ITGAM: variants seen among roughly 807,000 people sequenced by gnomAD.
ITGAM encodes integrin subunit alpha M.
A neutral mutation model predicts 137.5 loss-of-function variants in ITGAM; 79 were observed. That is an observed-to-expected ratio of 0.57 (90% CI 0.48 to 0.69). The LOEUF is 0.69. Ranked by LOEUF, ITGAM falls within the 30% of genes least tolerant of loss-of-function variation. The pLI, the probability that ITGAM is intolerant of heterozygous loss-of-function variation, is 0.00. For synonymous variants in ITGAM, 583 were observed against 592.3 expected, an observed-to-expected ratio of 0.98 and a Z score of 0.23; for missense variants, 1,343 against 1,483.5, an observed-to-expected ratio of 0.91 and a Z score of 1.56.
intron 5 of ITGAM, 123 bp from the exon 6 acceptor site, chr16:31,270,831 A>T (rs2079831466): frequency 3.2e-6 from 1 of 316,406 alleles, no homozygotes; most frequent in African/African-American, 2.2e-5. Flanking sequence ...TATATTTAAC[A>T]TCTATATTTT....
At chr16:31,272,467 T>A (rs868096732) in intron 7 of ITGAM, among the ~76,000 whole-genome samples, 251 of 12,158 alleles carry the variant, frequency 0.021, no homozygotes, top group East Asian at 0.047. Flanking sequence ...ATATATATTT[T>A]TTTTTTTTTT....
In ITGAM at chr16:31,297,948, T is replaced by A. The variant is rs2144382715; in HGVS notation, c.1701T>A (p.His567Gln). 6.2e-7 allele frequency: 1 copy of A among 1,613,206 alleles called. No individual in the cohort carries two copies. Among genetic ancestry groups the A allele is most frequent in the East Asian group, 2.2e-5 (1 of 44,856 alleles). ...GTSGSGISPS[H>Q]SQRIAGSKLS... ...CAGGATCTGGCATCAGCCCCTCCCA[T>A]AGCCAGGTGAGACCTGGTCACTGTC... is the stretch of plus-strand genomic sequence containing the variant. The change falls in exon 14 of 30, where the codon CAT becomes CAA. Residue 567 changes from histidine (H) to glutamine (Q), a missense_variant. Transcript: ENST00000544665.
intron 12 of ITGAM, among the ~76,000 whole-genome samples, chr16:31,292,945 T>C (rs1230162664): frequency 6.6e-6 from 1 of 152,138 alleles, no homozygotes; most frequent in Admixed American, 6.6e-5. Context: ...CTTTTACTAA[T>C]AGCCATTCTA....
At chr16:31,279,357 G>A (rs1413741142) in intron 12 of ITGAM, among the ~76,000 whole-genome samples, 4 of 152,338 alleles carry the variant, frequency 2.6e-5, no homozygotes, top group South Asian at 4.1e-4. Flanking sequence ...CCCACCAACA[G>A]TGTAAAAGTG....
chr16:31,265,399 G>A lies in ITGAM; in HGVS notation c.139G>A (p.Val47Met), dbSNP rs2079753577. 3.8e-6 allele frequency: 6 copies of A among 1,593,908 alleles called. No homozygotes were observed. Among genetic ancestry groups the A allele is most frequent in the Middle Eastern group, 1.7e-4 (1 of 6,046 alleles). ...TGTTCCCACTTCTCCCCACAGGGTGGTGGTTGGAGCCCCCCAGGAGATAGT... is the reference window on the plus strand; with the variant it reads ...TGTTCCCACTTCTCCCCACAGGGTGATGGTTGGAGCCCCCCAGGAGATAGT... Reference protein sequence around the residue: ...SVVQLQGSRVVVGAPQEIVAA... With the variant: ...SVVQLQGSRVMVGAPQEIVAA... Residue 47 changes from valine to methionine, a missense_variant, in exon 3 of 30, where the codon GTG (valine) becomes ATG (methionine). Coordinates refer to ENST00000544665, the MANE Select transcript of ITGAM (RefSeq NM_000632.4).
chr16:31,282,478 CTTCT>C, intron 12 of ITGAM, among the ~76,000 whole-genome samples: 1 of 152,272 alleles, frequency 6.6e-6, no homozygotes, highest in Admixed American at 6.5e-5. Context: ...ATGTAATGGC[CTTCT>C]TTGTCTCTTT....
chr16:31,262,715 T>C (rs2079719505), intron 2 of ITGAM, among the ~76,000 whole-genome samples: 1 of 152,102 alleles, frequency 6.6e-6, no homozygotes, highest in Non-Finnish European at 1.5e-5. Context: ...ATGGCCACTT[T>C]TGAGCTGTAA....
At chr16:31,271,106 A>G in intron 6 of ITGAM, 22 bp downstream of exon 6, 14 of 1,523,644 alleles carry the variant, frequency 9.2e-6, no homozygotes, top group Non-Finnish European at 1.2e-5. Context: ...GGGGTAGGTT[A>G]GGGAAGAGCC....
chr16:31,264,026 TG>T, intron 2 of ITGAM, among the ~76,000 whole-genome samples: 1 of 151,678 alleles, frequency 6.6e-6, no homozygotes, highest in East Asian at 2.0e-4. Context: ...TTAGTAGAGA[TG>T]GGGTTTCACC....
chr16:31,280,589 T>C (rs2079957836), intron 12 of ITGAM, among the ~76,000 whole-genome samples: 1 of 152,240 alleles, frequency 6.6e-6, no homozygotes, highest in South Asian at 2.1e-4. Flanking sequence ...ACTGATTTTA[T>C]ATCCTGAGAC....
chr16:31,312,873 CTTTTTTT>C (rs58746448), intron 14 of ITGAM, among the ~76,000 whole-genome samples: 2 of 137,492 alleles, frequency 1.5e-5, no homozygotes, highest in Non-Finnish European at 3.1e-5. Flanking sequence ...AGGGAGCAGT[CTTTTTTT>C]TTTTTTTTTT....
chr16:31,291,190 A>G (rs2080083502), intron 12 of ITGAM, among the ~76,000 whole-genome samples: 1 of 152,190 alleles, frequency 6.6e-6, no homozygotes, highest in South Asian at 2.1e-4. Flanking sequence ...AATCCTGGAT[A>G]ATATTCCATT....
rs998954353 is a variant in ITGAM, at chr16:31,325,117, G to A, written c.2363+86G>A. 5.4e-5 allele frequency: 78 copies of A among 1,452,086 alleles called. No homozygotes were observed. The South Asian group carries it at 6.8e-4, about 13-fold the overall frequency. The allele number at this position is 1,452,086 out of a possible 1,614,324, so 90.0% of individuals were successfully genotyped here. On this transcript the variant is annotated intron_variant, in intron 19 of 29. Transcript: ENST00000544665. The stretch of plus-strand genomic sequence containing the variant: ...TCTCCTCCTGGCCCCCAAGGGAGCC[G>A]GGTGTTCCTGGGCTATAAGGTCCGG...
rs1405135079 is a variant in ITGAM at position 31,332,509 on chromosome 16, A to T, written c.*802A>T. On this transcript the variant is annotated 3_prime_UTR_variant, in exon 30 of 30. Transcript: ENST00000544665. ...TACAGTGAAAAGTCTCCCTTTCCAGATATTCAAGTCACCTCCTTAAAGGTA... is the reference window on the plus strand; with the variant it reads ...TACAGTGAAAAGTCTCCCTTTCCAGTTATTCAAGTCACCTCCTTAAAGGTA... The T allele has an allele frequency of 6.6e-6, 1 of 152,246 alleles. No homozygotes were observed. Among genetic ancestry groups the T allele is most frequent in the East Asian group, 1.9e-4 (1 of 5,196 alleles). The allele number at this position is 152,246 out of a possible 1,614,324, so 9.4% of individuals were successfully genotyped here.
At chr16:31,331,041 G>A in intron 28 of ITGAM, 124 bp from the exon 29 acceptor site, 1 of 620,612 alleles carries the variant, frequency 1.6e-6, no homozygotes, top group Non-Finnish European at 2.9e-6. Context: ...GGAGGACTGA[G>A]GGCTGGGGTT....
intron 14 of ITGAM, among the ~76,000 whole-genome samples, chr16:31,300,245 G>A (rs1312552597): frequency 6.6e-6 from 1 of 152,170 alleles, no homozygotes; most frequent in Non-Finnish European, 1.5e-5. Context: ...ATGAACATGG[G>A]CACGTTCATA....
chr16:31,277,270 A>G (rs749672170), intron 11 of ITGAM, among the ~76,000 whole-genome samples: 14 of 151,562 alleles, frequency 9.2e-5, no homozygotes, highest in Admixed American at 2.0e-4. Context: ...TCGGCTCACT[A>G]CAACCTCTGC....
chr16:31,321,622 GA>G lies in ITGAM; in HGVS notation c.1998del (p.Glu667LysfsTer8). On this transcript the variant is annotated frameshift_variant, in exon 16 of 30. Transcript: ENST00000544665. LOFTEE classifies it high-confidence loss of function. Reference sequence around the variant, plus strand: ...CAGAAGAGCACACGGGATCGGCTAAGAGAAGGTGAGGCTTGGTGGATGAGTC... The same window carrying G: ...CAGAAGAGCACACGGGATCGGCTAAGGAAGGTGAGGCTTGGTGGATGAGTC... Reference protein sequence around the residue: ...HVQKSTRDRLREGQIQSVVTY... With the variant: ...HVQKSTRDRLXEGQIQSVVTY... The G allele has an allele frequency of 6.2e-7, 1 of 1,613,608 alleles. No individual in the cohort carries two copies. Among genetic ancestry groups the G allele is most frequent in the Non-Finnish European group, 8.5e-7 (1 of 1,179,722 alleles).
intron 12 of ITGAM, among the ~76,000 whole-genome samples, chr16:31,294,518 A>C (rs1157386323): frequency 6.6e-6 from 1 of 152,108 alleles, no homozygotes; most frequent in East Asian, 1.9e-4. Flanking sequence ...AGTTCTGTTT[A>C]TGTGATGAAT....
Sources: allele counts gnomAD v4.1 joint callset (sites outside exome capture counted in the v4.1 genomes callset), GRCh38; gene constraint gnomAD v4.1.1; transcripts MANE v1.5; gene names NCBI Gene and HGNC (gene_info 2026-07-23, HGNC 2026-07-21).